RHD: variants seen among roughly 807,000 people sequenced by gnomAD.
The protein encoded by RHD is blood group Rh(D) polypeptide.
Under a neutral mutation model 45.5 loss-of-function variants are expected in RHD, and 16 were observed. The observed-to-expected ratio is 0.35, with a 90% CI of 0.24 to 0.53. The LOEUF (loss-of-function observed/expected upper bound fraction) is 0.53. Among genes scored for constraint, RHD ranks in the 20% least tolerant of loss-of-function variants. The pLI is 0.92. For synonymous variants in RHD, 131 were observed against 217.5 expected (o/e 0.60, Z 3.50); for missense variants, 306 against 532.0 (o/e 0.58, Z 4.18).
intron 3 of RHD, among the ~76,000 whole-genome samples, chr1:25,299,616 T>G: frequency 7.8e-6 from 1 of 128,178 alleles, no homozygotes; most frequent in Non-Finnish European, 1.8e-5. Flanking sequence ...AGGAGGGCAA[T>G]AGGAGGTGAC....
Position 25,312,352 on chromosome 1 carries a change from A to G in RHD, c.1074-4648A>G, listed in dbSNP as rs1357719967. On this transcript the variant is annotated intron_variant, in intron 7 of 9. Transcript: ENST00000328664. ...CTTTACAGGCTTACAGCCAGAGGGA[A>G]TCTCCCATAGAATGAATTGTACCTT... Among the ~76,000 whole-genome samples, 2 of 102,098 alleles carry G rather than the reference A, an allele frequency of 2.0e-5. 1 individual carries two copies. Among genetic ancestry groups the G allele is most frequent in the African/African-American group, 6.4e-5 (2 of 31,096 alleles). The allele number at this position is 102,098 out of a possible 152,430, so 67.0% of individuals were successfully genotyped here.
chr1:25,301,449 C>T lies in RHD; in HGVS notation c.635-71C>T, dbSNP rs1489830108. ...ACTCTCCAGCCCTAGGATTCTCATC[C>T]AAAACCCCTCGAGGCTCAGACCTTT... On this transcript the variant is annotated intron_variant, in intron 4 of 9. Coordinates refer to ENST00000328664, the MANE Select transcript of RHD (RefSeq NM_016124.6). 6.2e-6 allele frequency: 8 copies of T among 1,283,988 alleles called. 1 individual carries two copies. The highest frequency in any genetic ancestry group is 4.5e-5 in the East Asian group (2 of 44,490). 79.5% of individuals were successfully genotyped at this position (1,283,988 alleles called of 1,614,324 possible).
In RHD at chr1:25,329,237, G is replaced by GTT. The variant is rs71014352; in HGVS notation, c.*337_*338dup. ...TAAGGTTAATTTATTATTATTCCTT[G>GTT]TTTTTTTTTTTTTTTTTTTTTTTTT... On this transcript the variant is annotated 3_prime_UTR_variant, in exon 10 of 10. Transcript: ENST00000328664. 0.095 allele frequency: 21,212 copies of GTT among 223,958 alleles called. 123 individuals carry two copies. The highest frequency in any genetic ancestry group is 0.14 in the South Asian group (4,206 of 30,476). 13.9% of individuals were successfully genotyped at this position (223,958 alleles called of 1,614,324 possible).
At chr1:25,303,202 G>A in intron 5 of RHD, 120 bp from the exon 6 acceptor site, 1 of 1,019,878 alleles carries the variant, frequency 9.8e-7, no homozygotes, top group South Asian at 1.3e-5. Flanking sequence ...GTGGTTTCAG[G>A]ATCAGCAAAG....
In RHD at chr1:25,321,799, T is replaced by C. The variant is rs1337490173; in HGVS notation, c.1154-90T>C. On this transcript the variant is annotated intron_variant, in intron 8 of 9. Coordinates refer to ENST00000328664, the MANE Select transcript of RHD (RefSeq NM_016124.6). Reference sequence around the variant, plus strand: ...AGAAAAAGGATTTCTGTTGAGATACTGTCGTTTTGACACACAATATTTCGA... The same window carrying C: ...AGAAAAAGGATTTCTGTTGAGATACCGTCGTTTTGACACACAATATTTCGA... 2.9e-6 allele frequency: 2 copies of C among 685,086 alleles called. 1 individual carries two copies. Among genetic ancestry groups the C allele is most frequent in the African/African-American group, 3.5e-5 (2 of 57,928 alleles). The allele number at this position is 685,086 out of a possible 1,614,324, so 42.4% of individuals were successfully genotyped here.
Position 25,272,568 on chromosome 1 carries a change from G to A in RHD, c.21G>A (p.Arg7=), listed in dbSNP as rs754000039. 14 of 1,583,134 alleles carry A rather than the reference G, an allele frequency of 8.8e-6. No individual in the cohort carries two copies. The highest frequency in any genetic ancestry group is 1.1e-5 in the Non-Finnish European group (13 of 1,158,102). ...ACAGGATGAGCTCTAAGTACCCGCG[G>A]TCTGTCCGGCGCTGCCTGCCCCTCT... is the stretch of plus-strand genomic sequence containing the variant. MSSKYP[R]SVRRCLPLWA... Residue 7 remains arginine (R), a synonymous_variant, in exon 1 of 10, where the codon CGG becomes CGA. Coordinates refer to ENST00000328664, the MANE Select transcript of RHD (RefSeq NM_016124.6).
At position 25,275,549 on chromosome 1, in the gene RHD, G is replaced by C. The variant is rs371409993; in HGVS notation, c.148+2854G>C. Among the ~76,000 whole-genome samples, 3 of 131,608 alleles carry C rather than the reference G, an allele frequency of 2.3e-5. 1 individual carries two copies. The highest frequency in any genetic ancestry group is 7.8e-5 in the African/African-American group (3 of 38,548). 86.3% of individuals were successfully genotyped at this position (131,608 alleles called of 152,430 possible). Reference sequence around the variant, plus strand: ...TTCAACATTCTGATGGTGTACACACGATTTTTTGAGCATGTACCATGGTTA... The same window carrying C: ...TTCAACATTCTGATGGTGTACACACCATTTTTTGAGCATGTACCATGGTTA... On this transcript the variant is annotated intron_variant, in intron 1 of 9. Coordinates refer to ENST00000328664, the MANE Select transcript of RHD (RefSeq NM_016124.6).
At position 25,313,088 on chromosome 1, in the gene RHD, A is replaced by G. The variant is rs1644255843; in HGVS notation, c.1074-3912A>G. 7.0e-5 allele frequency among the ~76,000 whole-genome samples: 9 copies of G among 128,158 alleles called. 2 individuals carry two copies. Among genetic ancestry groups the G allele is most frequent in the Admixed American group, 6.9e-4 (9 of 13,018 alleles). 84.1% of individuals were successfully genotyped at this position (128,158 alleles called of 152,430 possible). On this transcript the variant is annotated intron_variant, in intron 7 of 9. Transcript: ENST00000328664. ...ACTTAATCTCCAAATTCATATGTTGATGAAATTGGAGGTGAAGCCTTTGGG... is the reference window on the plus strand; with the variant it reads ...ACTTAATCTCCAAATTCATATGTTGGTGAAATTGGAGGTGAAGCCTTTGGG...
chr1:25,302,686 G>A (rs1207267056), intron 5 of RHD, among the ~76,000 whole-genome samples: 1 of 130,230 alleles, frequency 7.7e-6, no homozygotes, highest in African/African-American at 2.7e-5. Flanking sequence ...CACACAGGGT[G>A]GCACAGGCAC....
At position 25,324,450 on chromosome 1, in the gene RHD, TAATG is replaced by T. The variant is rs1644864770; in HGVS notation, c.1227+2489_1227+2492del. Among the ~76,000 whole-genome samples, 5 of 151,254 alleles carry T rather than the reference TAATG, an allele frequency of 3.3e-5. No homozygotes were observed. In the South Asian group the frequency reaches 1.0e-3, roughly 31 times the overall value. The stretch of plus-strand genomic sequence containing the variant: ...ATGTATTATGTAATGTATTATATAT[TAATG>T]TATGTATTATGTAGGCAAGTTCCTT... On this transcript the variant is annotated intron_variant, in intron 9 of 9. Coordinates refer to ENST00000328664, the MANE Select transcript of RHD (RefSeq NM_016124.6).
Position 25,291,617 on chromosome 1 carries a change from A to G in RHD, c.486+826A>G, listed in dbSNP as rs1642516621. 1.5e-5 allele frequency among the ~76,000 whole-genome samples: 2 copies of G among 132,938 alleles called. 1 individual carries two copies. The highest frequency in any genetic ancestry group is 4.5e-4 in the South Asian group (2 of 4,402). 87.2% of individuals were successfully genotyped at this position (132,938 alleles called of 152,430 possible). ...CAGTATAATCCTGTAGGATTGTGCT[A>G]TTCATGATATAATTATGGTTATATA... is the stretch of plus-strand genomic sequence containing the variant. On this transcript the variant is annotated intron_variant, in intron 3 of 9. Transcript: ENST00000328664.
chr1:25,275,174 C>T (rs1407412572), intron 1 of RHD, among the ~76,000 whole-genome samples: 1 of 131,890 alleles, frequency 7.6e-6, no homozygotes, highest in African/African-American at 2.6e-5. Flanking sequence ...CCTGTAGTCC[C>T]AGCTGCTTGG....
At chr1:25,284,346 A>C (rs969343166) in intron 1 of RHD, among the ~76,000 whole-genome samples, 2 of 135,788 alleles carry the variant, frequency 1.5e-5, no homozygotes, top group African/African-American at 5.1e-5. Flanking sequence ...GTGCTTAATT[A>C]GCTTTAGCTC....
At chr1:25,320,538 G>A (rs987264486) in intron 8 of RHD, among the ~76,000 whole-genome samples, 1 of 131,850 alleles carries the variant, frequency 7.6e-6, no homozygotes, top group African/African-American at 2.6e-5. Flanking sequence ...GCAGCACCAC[G>A]AAAGGGAAAT....
intron 9 of RHD, among the ~76,000 whole-genome samples, chr1:25,322,645 C>A (rs1411151877): frequency 1.5e-5 from 2 of 129,232 alleles, no homozygotes; most frequent in African/African-American, 5.3e-5. Context: ...TGCACTCCAG[C>A]CTGGGTGACA....
chr1:25,290,088 T>C lies in RHD; in HGVS notation c.336-553T>C, dbSNP rs1242087747. ...GAGAAATAGGCTCAGTGAGATGAAA[T>C]AGCCACTCCAGTGGCAAGGCTGGGA... is the stretch of plus-strand genomic sequence containing the variant. On this transcript the variant is annotated intron_variant, in intron 2 of 9. Coordinates refer to ENST00000328664, the MANE Select transcript of RHD (RefSeq NM_016124.6). Among the ~76,000 whole-genome samples, 5 of 125,198 alleles carry C rather than the reference T, an allele frequency of 4.0e-5. 1 individual carries two copies. The highest frequency in any genetic ancestry group is 7.5e-5 in the Non-Finnish European group (4 of 53,506). 82.1% of individuals were successfully genotyped at this position (125,198 alleles called of 152,430 possible).
At chr1:25,276,002 C>T (rs1640927382) in intron 1 of RHD, among the ~76,000 whole-genome samples, 1 of 132,196 alleles carries the variant, frequency 7.6e-6, no homozygotes, top group Admixed American at 7.4e-5. Flanking sequence ...TTGAGTTAAA[C>T]TTAGGTAACT....
In RHD at chr1:25,272,676, G is replaced by T. The variant is rs1399871129; in HGVS notation, c.129G>T (p.Gly43=). 1 of 1,555,956 alleles carries T rather than the reference G, an allele frequency of 6.4e-7. No individual in the cohort carries two copies. Among genetic ancestry groups the T allele is most frequent in the African/African-American group, 1.4e-5 (1 of 72,304 alleles). ...HYDASLEDQK[G]LVASYQVGQD... is the part of the protein sequence containing the mutation. ...ACGCTTCCTTAGAGGATCAAAAGGG[G>T]CTCGTGGCATCCTATCAAGGTGAGA... Residue 43 remains glycine, a synonymous_variant, in exon 1 of 10, where the codon GGG becomes GGT. Transcript: ENST00000328664.
chr1:25,289,650 G>A lies in RHD; in HGVS notation c.336-991G>A, dbSNP rs900161432. Among the ~76,000 whole-genome samples, 7 of 124,160 alleles carry A rather than the reference G, an allele frequency of 5.6e-5. 2 individuals carry two copies. The highest frequency in any genetic ancestry group is 1.9e-4 in the African/African-American group (7 of 36,456). 81.5% of individuals were successfully genotyped at this position (124,160 alleles called of 152,430 possible). On this transcript the variant is annotated intron_variant, in intron 2 of 9. Coordinates refer to ENST00000328664, the MANE Select transcript of RHD (RefSeq NM_016124.6). ...GGAGTCTCAGAGCAAGCTGCTCAGG[G>A]GAGACTGGATGTCCATGGATTGTCC... is the stretch of plus-strand genomic sequence containing the variant.
Sources: allele counts gnomAD v4.1 joint callset (sites outside exome capture counted in the v4.1 genomes callset), GRCh38; gene constraint gnomAD v4.1.1; transcripts MANE v1.5; gene names NCBI Gene and HGNC (gene_info 2026-07-23, HGNC 2026-07-21).